ABCC8: variants seen among roughly 807,000 people sequenced by gnomAD.
ABCC8 encodes ATP-binding cassette sub-family C member 8.
ABCC8 carries 137 observed loss-of-function variants against 188.0 expected under a neutral mutation model. The observed-to-expected ratio is 0.73, with a 90% CI of 0.63 to 0.84. ABCC8 has a LOEUF of 0.84. Ranked by LOEUF, ABCC8 falls within the 40% of genes least tolerant of loss-of-function variation. The pLI is 0.00. For synonymous variants in ABCC8, 797 were observed against 846.5 expected (o/e 0.94, Z 1.01); for missense variants, 1,750 against 2,072.7 (o/e 0.84, Z 3.02).
In ABCC8 at chr11:17,427,327, A is replaced by G; in HGVS notation, c.2117-173T>C. The G allele has an allele frequency of 2.4e-6, 2 of 848,810 alleles. No individual in the cohort carries two copies. Among genetic ancestry groups the G allele is most frequent in the Non-Finnish European group, 2.8e-6 (2 of 705,346 alleles). 52.6% of individuals were successfully genotyped at this position (848,810 alleles called of 1,614,324 possible). A position where few individuals can be genotyped will look rare whatever the true frequency, so the allele number is the denominator to read the frequency against. ...TTTAATCCTTTCCTTCTGGAAATCA[A>G]CATCCTCCTCTGGCTCCCCAGGTCC... is the stretch of plus-strand genomic sequence containing the variant. On this transcript the variant is annotated intron_variant, in intron 15 of 38. Transcript: ENST00000389817. This position sits in a 1 kb window ranked among gnomAD's most constrained non-coding sequence, Gnocchi z 5.0.
At chr11:17,397,106 C>G (rs754284322) in intron 32 of ABCC8, 60 bp from the exon 33 acceptor site, 1 of 1,613,844 alleles carries the variant, frequency 6.2e-7, no homozygotes, top group Non-Finnish European at 8.5e-7. Flanking sequence ...CCGAAAGTGC[C>G]ACCCCATCCC....
intron 28 of ABCC8, 121 bp from the exon 29 acceptor site, chr11:17,402,874 G>A: frequency 8.1e-7 from 1 of 1,236,068 alleles, no homozygotes; most frequent in South Asian, 1.2e-5. Context: ...CTAGGCCTCA[G>A]CTTCTTACCC....
chr11:17,467,201 A>T (rs1300713274), intron 3 of ABCC8, among the ~76,000 whole-genome samples: 2 of 152,110 alleles, frequency 1.3e-5, no homozygotes, highest in African/African-American at 4.8e-5. Context: ...TGATCACTTA[A>T]GGCCAGGAGT....
intron 10 of ABCC8, among the ~76,000 whole-genome samples, chr11:17,438,270 GA>G (rs1329385316): frequency 6.6e-6 from 1 of 152,138 alleles, no homozygotes; most frequent in African/African-American, 2.4e-5. Flanking sequence ...AGGTGGGCAG[GA>G]AATATTTGTT....
At chr11:17,392,851 G>T (rs543724936), downstream of ABCC8, 277 of 1,035,520 alleles carry the variant, frequency 2.7e-4, no homozygotes, top group Non-Finnish European at 3.9e-4. Context: ...ACCATCCACC[G>T]CCAGCCCCTG....
chr11:17,410,345 G>T, intron 22 of ABCC8, 171 bp downstream of exon 22: 1 of 750,222 alleles, frequency 1.3e-6, no homozygotes, highest in Non-Finnish European at 2.2e-6. Flanking sequence ...CCCCTGGCCT[G>T]TACAGGGTCT....
chr11:17,473,633 G>A (rs2283254), intron 2 of ABCC8, among the ~76,000 whole-genome samples: 51,462 of 151,924 alleles, frequency 0.34, 8,789 homozygotes, highest in Middle Eastern at 0.46. Context: ...GCTGGTTACT[G>A]GATTCTTCCT....
chr11:17,474,988 C>G lies in ABCC8; in HGVS notation c.188G>C (p.Ser63Thr). Residue 63 changes from serine to threonine, a missense_variant, in exon 2 of 39, where the codon AGC becomes ACC. Physicochemically the swap from Ser to Thr is moderately conservative, Grantham distance 58. Transcript: ENST00000389817. Reference protein sequence around the residue: ...SQSSKVHIHHSTWLHFPGHNL... With the variant: ...SQSSKVHIHHTTWLHFPGHNL... ...GTGCCCAGGGAAATGAAGCCATGTGCTGTGGTGGATGTGCACCTTGGAGCT... is the reference window on the plus strand; with the variant it reads ...GTGCCCAGGGAAATGAAGCCATGTGGTGTGGTGGATGTGCACCTTGGAGCT... 6.2e-7 allele frequency: 1 copy of G among 1,614,204 alleles called. No individual in the cohort carries two copies. Among genetic ancestry groups the G allele is most frequent in the Non-Finnish European group, 8.5e-7 (1 of 1,180,032 alleles).
chr11:17,407,509 A>AG, intron 23 of ABCC8, 56 bp from the exon 24 acceptor site: 7 of 1,612,594 alleles, frequency 4.3e-6, no homozygotes, highest in Non-Finnish European at 5.1e-6. Context: ...TGGTGGGGGA[A>AG]GGGGAAGTTA....
intron 30 of ABCC8, among the ~76,000 whole-genome samples, 163 bp downstream of exon 30, chr11:17,398,176 C>T (rs1203163601): frequency 6.6e-6 from 1 of 152,192 alleles, no homozygotes; most frequent in African/African-American, 2.4e-5. Context: ...AAAAGGAGCA[C>T]AGGCTAGACA....
intron 23 of ABCC8, 30 bp downstream of exon 23, chr11:17,408,361 TG>T: frequency 1.9e-6 from 3 of 1,598,434 alleles, no homozygotes; most frequent in Non-Finnish European, 2.6e-6. Context: ...CATCCAGGGG[TG>T]GCTGCTTGGC....
At chr11:17,443,369 G>A (rs1956400517) in intron 8 of ABCC8, 57 bp from the exon 9 acceptor site, 2 of 1,612,494 alleles carry the variant, frequency 1.2e-6, no homozygotes, top group Non-Finnish European at 1.7e-6. Context: ...CTGCCAGGAG[G>A]TGCTGGCAAA....
At position 17,476,715 on chromosome 11, in the gene ABCC8, A is replaced by T. The variant is rs200670692; in HGVS notation, c.62T>A (p.Val21Asp). The change falls in exon 1 of 39, where the codon GTC becomes GAC. Residue 21 changes from valine to aspartate, a missense_variant. Physicochemically the swap from Val to Asp is radical, Grantham distance 152 (BLOSUM62 -3). Transcript: ENST00000389817. ...GTCCACAAAGCAGCCGTTGTTGAGG[A>T]CCCCCTGGTCCACCCGGTAGGCGGC... ...HSAAYRVDQG[V>D]LNNGCFVDAL... 3.5e-5 allele frequency: 56 copies of T among 1,609,238 alleles called. No individual in the cohort carries two copies. Among genetic ancestry groups the T allele is most frequent in the Non-Finnish European group, 4.7e-5 (55 of 1,178,150 alleles).
intron 29 of ABCC8, 46 bp from the exon 30 acceptor site, chr11:17,398,487 A>G: frequency 2.5e-6 from 4 of 1,610,958 alleles, no homozygotes; most frequent in Admixed American, 1.7e-5. Context: ...GTTGGTCCAC[A>G]TAGCTCCTAG....
intron 2 of ABCC8, among the ~76,000 whole-genome samples, chr11:17,473,883 G>T (rs2283253): frequency 0.43 from 65,336 of 152,060 alleles, 14,545 homozygotes; most frequent in African/African-American, 0.56. Context: ...AAACATGCAG[G>T]CTGGGATTCA....
chr11:17,408,520 G>A lies in ABCC8; in HGVS notation c.2695-3C>T. ...GTGCCATCCTTCATGGCAATGATCT[G>A]GAAAGGCAGCAACAAACGTGGTTTG... On this transcript the variant is annotated splice_region_variant and splice_polypyrimidine_tract_variant and intron_variant, in intron 22 of 38. Transcript: ENST00000389817. The A allele has an allele frequency of 6.2e-7, 1 of 1,609,092 alleles. No individual in the cohort carries two copies. The highest frequency in any genetic ancestry group is 8.5e-7 in the Non-Finnish European group (1 of 1,178,820).
chr11:17,463,481 T>C lies in ABCC8; in HGVS notation c.536A>G (p.Tyr179Cys), dbSNP rs919281813. 2 of 1,605,246 alleles carry C rather than the reference T, an allele frequency of 1.2e-6. No homozygotes were observed. Among genetic ancestry groups the C allele is most frequent in the Non-Finnish European group, 8.5e-7 (1 of 1,176,134 alleles). ...GACCTCCACGAGGAGCAGCATCCCATAGAGGATCACCAGCAGCCCTGTGAG... is the reference window on the plus strand; with the variant it reads ...GACCTCCACGAGGAGCAGCATCCCACAGAGGATCACCAGCAGCCCTGTGAG... ...FCLTGLLVILYGMLLLVEVNV... is the reference protein window; with the variant it reads ...FCLTGLLVILCGMLLLVEVNV... Residue 179 changes from tyrosine to cysteine, a missense_variant, in exon 4 of 39, where the codon TAT becomes TGT. By Grantham distance (194) the Tyr-to-Cys change is radical (BLOSUM62 -2). Coordinates refer to ENST00000389817, the MANE Select transcript of ABCC8 (RefSeq NM_000352.6).
At chr11:17,403,348 T>C (rs1954343446) in intron 28 of ABCC8, among the ~76,000 whole-genome samples, 1 of 152,188 alleles carries the variant, frequency 6.6e-6, no homozygotes. Flanking sequence ...ATGCAGGAAG[T>C]TGATTTCCCT....
intron 29 of ABCC8, among the ~76,000 whole-genome samples, chr11:17,400,599 C>T (rs890501426): frequency 6.6e-6 from 1 of 152,186 alleles, no homozygotes; most frequent in Non-Finnish European, 1.5e-5. Flanking sequence ...CGAAAACAAC[C>T]TCCGAGCCCG....
Sources: gnomAD v4.1 joint callset for allele counts (sites outside exome capture counted in the v4.1 genomes callset) on GRCh38, gnomAD v4.1.1 for gene constraint, Gnocchi (gnomAD v3.1) non-coding constraint, MANE v1.5 for transcripts, NCBI Gene and HGNC (gene_info 2026-07-23, HGNC 2026-07-21) for gene names.